The following THSD7B variants were observed in gnomAD, a reference collection of about 807,000 sequenced individuals.
The protein encoded by THSD7B is thrombospondin type-1 domain-containing protein 7B.
Under a neutral mutation model 213.6 loss-of-function variants are expected in THSD7B, and 138 were observed. The observed-to-expected ratio is 0.65, with a 90% CI of 0.56 to 0.74. The LOEUF (loss-of-function observed/expected upper bound fraction) is 0.74, where lower values mean the gene tolerates loss of function less well. Among genes scored for constraint, THSD7B ranks in the 30% least tolerant of loss-of-function variants. The probability of loss-of-function intolerance (pLI) is 0.00; values close to 1 mark genes in which losing one functional copy is unlikely to be tolerated. For synonymous variants in THSD7B, 742 were observed against 687.0 expected (o/e 1.08, Z -1.25); for missense variants, 1,931 against 1,991.5 (o/e 0.97, Z 0.58).
At chr2:137,546,376 A>AATATATATATTATATATATTATATATATT (rs1680713897) in intron 15 of THSD7B, among the ~76,000 whole-genome samples, 7 of 44,362 alleles carry the variant, frequency 1.6e-4, no homozygotes, top group South Asian at 6.7e-4. Flanking sequence ...ATATATATAT[A>AATATATATATTATATATATTATATATATT]ATATATATAT....
chr2:137,156,614 C>T (rs1679914135), intron 5 of THSD7B, among the ~76,000 whole-genome samples: 1 of 152,158 alleles, frequency 6.6e-6, no homozygotes, highest in Non-Finnish European at 1.5e-5. Flanking sequence ...ACCTCACAAC[C>T]CCCATAATCC....
chr2:137,082,152 C>G (rs769893561), intron 3 of THSD7B, among the ~76,000 whole-genome samples: 1 of 152,018 alleles, frequency 6.6e-6, no homozygotes, highest in African/African-American at 2.4e-5. Flanking sequence ...ATGATTTTGT[C>G]TGTGTTTCAT....
chr2:137,339,611 G>A (rs1026457777), intron 12 of THSD7B, among the ~76,000 whole-genome samples: 4 of 151,918 alleles, frequency 2.6e-5, no homozygotes, highest in African/African-American at 9.7e-5. Flanking sequence ...CTCAATGACA[G>A]CAATAAAGAA....
In THSD7B at chr2:137,267,752, A is replaced by G. The variant is rs955327260; in HGVS notation, c.2267-4781A>G. On this transcript the variant is annotated intron_variant, in intron 10 of 27. Coordinates refer to ENST00000409968, the MANE Select transcript of THSD7B (RefSeq NM_001316349.2). The stretch of plus-strand genomic sequence containing the variant: ...ATATGCATACGTAAAATGCCCAGGC[A>G]TGGATCTGACATAGATTAAGATGGT... Among the ~76,000 whole-genome samples, 7 of 152,380 alleles carry G rather than the reference A, an allele frequency of 4.6e-5. No individual in the cohort carries two copies. The East Asian group carries it at 9.6e-4, about 21-fold the overall frequency.
intron 14 of THSD7B, among the ~76,000 whole-genome samples, chr2:137,443,265 T>A (rs1687458466): frequency 6.6e-6 from 1 of 152,158 alleles, no homozygotes; most frequent in African/African-American, 2.4e-5. Context: ...CAAAGATCAG[T>A]TCTTTATAGG....
chr2:137,022,149 C>T (rs1290444886), intron 2 of THSD7B, among the ~76,000 whole-genome samples: 1 of 152,128 alleles, frequency 6.6e-6, no homozygotes, highest in Admixed American at 6.5e-5. Context: ...CTATAGTGAA[C>T]ATATGTGTAC....
In THSD7B at chr2:137,605,814, G is replaced by C. The variant is rs529643174; in HGVS notation, c.3424-10361G>C. Among the ~76,000 whole-genome samples the C allele has an allele frequency of 2.0e-5, 3 of 151,794 alleles. No individual in the cohort carries two copies. In the East Asian group the frequency reaches 5.8e-4, roughly 30 times the overall value. ...CTCCTGAGTAGCTGGGGTTACAGGC[G>C]CTTGCCACCACGCCCAGCTAATTTT... On this transcript the variant is annotated intron_variant, in intron 17 of 27. Transcript: ENST00000409968.
intron 7 of THSD7B, among the ~76,000 whole-genome samples, chr2:137,171,992 C>G (rs1680262256): frequency 6.6e-6 from 1 of 152,172 alleles, no homozygotes; most frequent in African/African-American, 2.4e-5. Flanking sequence ...CTAATAGCAA[C>G]TCCTGTGAAT....
At chr2:137,190,344 C>T (rs1680632548) in intron 7 of THSD7B, among the ~76,000 whole-genome samples, 1 of 151,962 alleles carries the variant, frequency 6.6e-6, no homozygotes, top group East Asian at 1.9e-4. Flanking sequence ...ATTTTTCATT[C>T]TTTTGTGTGC....
In THSD7B at chr2:137,657,205, G is replaced by A. The variant is rs768655795; in HGVS notation, c.4375+45G>A. 4.5e-6 allele frequency: 7 copies of A among 1,559,778 alleles called. No individual in the cohort carries two copies. The South Asian group carries it at 8.0e-5, about 18-fold the overall frequency. On this transcript the variant is annotated intron_variant, in intron 24 of 27. Transcript: ENST00000409968. Reference sequence around the variant, plus strand: ...ATGTGGGCACTTCACAAACACCCCTGAGTGTTGTTATTTGTGAGAAGAATT... The same window carrying A: ...ATGTGGGCACTTCACAAACACCCCTAAGTGTTGTTATTTGTGAGAAGAATT...
At chr2:136,836,967 A>G (rs951733816) in intron 1 of THSD7B, among the ~76,000 whole-genome samples, 1 of 152,154 alleles carries the variant, frequency 6.6e-6, no homozygotes, top group Non-Finnish European at 1.5e-5. Flanking sequence ...CATTCATTTC[A>G]TATTCAACCC....
Position 136,890,541 on chromosome 2 carries a change from CT to C in THSD7B, c.139+8240del, listed in dbSNP as rs778818497. On this transcript the variant is annotated intron_variant, in intron 2 of 27. Coordinates refer to ENST00000409968, the MANE Select transcript of THSD7B (RefSeq NM_001316349.2). ...CTTTCTTCTTCTTCTTCTTCTTCTT[CT>C]TTTTTTTTTTTTTTTAAGACGGAGT... is the stretch of plus-strand genomic sequence containing the variant. Among the ~76,000 whole-genome samples, 49 of 49,848 alleles carry C rather than the reference CT, an allele frequency of 9.8e-4. 9 individuals carry two copies. The highest frequency in any genetic ancestry group is 3.7e-3 in the African/African-American group (45 of 12,144). 32.7% of individuals were successfully genotyped at this position (49,848 alleles called of 152,430 possible).
rs576913353 is a variant in THSD7B at position 137,322,277 on chromosome 2, G to A, written c.2500+46251G>A. Among the ~76,000 whole-genome samples the A allele has an allele frequency of 1.2e-4, 18 of 152,188 alleles. No individual in the cohort carries two copies. The South Asian group carries it at 1.7e-3, about 14-fold the overall frequency. On this transcript the variant is annotated intron_variant, in intron 12 of 27. Transcript: ENST00000409968. The stretch of plus-strand genomic sequence containing the variant: ...AGTTCCTGTGAAAACTTTAGTTCCC[G>A]TCCCAGGTCTGCCACCTTCTCTGTC...
intron 2 of THSD7B, among the ~76,000 whole-genome samples, chr2:137,003,748 C>T (rs1375371185): frequency 6.6e-6 from 1 of 152,088 alleles, no homozygotes; most frequent in Non-Finnish European, 1.5e-5. Flanking sequence ...GCTAGCTCTT[C>T]AGTCATCACA....
chr2:137,353,131 C>T (rs1002053034), intron 12 of THSD7B, among the ~76,000 whole-genome samples: 1 of 151,972 alleles, frequency 6.6e-6, no homozygotes, highest in Non-Finnish European at 1.5e-5. Context: ...TTGATTCAGT[C>T]AGATTTTCAT....
At chr2:136,978,918 T>C (rs1157283437) in intron 2 of THSD7B, among the ~76,000 whole-genome samples, 2 of 150,694 alleles carry the variant, frequency 1.3e-5, no homozygotes, top group Non-Finnish European at 3.0e-5. Context: ...TTTTTTGTAG[T>C]GGTTGGTATA....
intron 2 of THSD7B, among the ~76,000 whole-genome samples, chr2:136,891,787 T>C (rs1683864577): frequency 6.6e-6 from 1 of 152,128 alleles, no homozygotes; most frequent in Admixed American, 6.5e-5. Flanking sequence ...CATGTTGCAA[T>C]TCTCTATTGC....
intron 14 of THSD7B, among the ~76,000 whole-genome samples, chr2:137,414,738 T>A (rs1310191607): frequency 6.6e-6 from 1 of 151,872 alleles, no homozygotes; most frequent in Non-Finnish European, 1.5e-5. Context: ...TGTATATATG[T>A]ATATGAATTA....
intron 12 of THSD7B, among the ~76,000 whole-genome samples, chr2:137,297,629 A>G (rs191146370): frequency 1.3e-5 from 2 of 152,220 alleles, no homozygotes; most frequent in African/African-American, 4.8e-5. Context: ...CTTGAATTTT[A>G]TCTCCCAGAA....
Sources: allele counts gnomAD v4.1 joint callset (sites outside exome capture counted in the v4.1 genomes callset), GRCh38; gene constraint gnomAD v4.1.1; transcripts MANE v1.5; gene names NCBI Gene and HGNC (gene_info 2026-07-23, HGNC 2026-07-21).